Variants in APLF observed in about 807,000 individuals in gnomAD.
The protein encoded by APLF is aprataxin and PNKP like factor.
In APLF, 61 loss-of-function variants were observed where a neutral mutation model predicts 55.6. The observed-to-expected ratio is 1.10, with a 90% CI of 0.89 to 1.36. The LOEUF is 1.36. Among genes scored for constraint, APLF ranks in the 40% most tolerant of loss-of-function variants. The pLI is 0.00. For missense variants in APLF, 611 were observed against 602.5 expected (o/e 1.01, Z -0.15); for synonymous variants, 207 against 214.8 (o/e 0.96, Z 0.32).
In APLF at chr2:68,476,255, A is replaced by G. The variant is rs144935633; in HGVS notation, c.96+8428A>G. ...AATCCCAGCACTTTGGGAGGCCGAG[A>G]CGGGCAGATCACCTGAGGTCAGGAG... On this transcript the variant is annotated intron_variant, in intron 1 of 9. Transcript: ENST00000303795. Among the ~76,000 whole-genome samples the G allele has an allele frequency of 6.5e-3, 988 of 152,022 alleles. 7 individuals carry two copies. The highest frequency in any genetic ancestry group is 0.023 in the African/African-American group (941 of 41,482).
chr2:68,571,135 A>T (rs1671448655), intron 9 of APLF, among the ~76,000 whole-genome samples: 1 of 151,384 alleles, frequency 6.6e-6, no homozygotes, highest in African/African-American at 2.4e-5. Context: ...CCCCTTTTTG[A>T]TGGGGTTGTT....
intron 1 of APLF, among the ~76,000 whole-genome samples, chr2:68,469,534 C>T (rs1161917879): frequency 6.6e-6 from 1 of 152,172 alleles, no homozygotes; most frequent in Non-Finnish European, 1.5e-5. Flanking sequence ...AAATAACATT[C>T]AGGGATGAGA....
chr2:68,484,983 C>T (rs199543975), intron 1 of APLF, among the ~76,000 whole-genome samples: 13 of 146,452 alleles, frequency 8.9e-5, no homozygotes, highest in South Asian at 8.4e-4. Context: ...TGTGTGTGTG[C>T]GCACATTTTT....
At chr2:68,499,854 A>G (rs1442752693) in intron 2 of APLF, among the ~76,000 whole-genome samples, 2 of 152,136 alleles carry the variant, frequency 1.3e-5, no homozygotes, top group African/African-American at 4.8e-5. Flanking sequence ...AGAAAAAATA[A>G]ATAAATACTT....
chr2:68,517,505 A>G (rs1373707997), intron 5 of APLF, among the ~76,000 whole-genome samples: 1 of 141,078 alleles, frequency 7.1e-6, no homozygotes, highest in Non-Finnish European at 1.5e-5. Context: ...ATATGTTATC[A>G]CTATATATTA....
At position 68,578,138 on chromosome 2, in the gene APLF, A is replaced by C. The variant is rs1207684904; in HGVS notation, c.*116A>C. 10 of 1,443,610 alleles carry C rather than the reference A, an allele frequency of 6.9e-6. No homozygotes were observed. The African/African-American group carries it at 1.3e-4, about 19-fold the overall frequency. 89.4% of individuals were successfully genotyped at this position (1,443,610 alleles called of 1,614,324 possible). A position where few individuals can be genotyped will look rare whatever the true frequency, so the allele number is the denominator to read the frequency against. Reference sequence around the variant, plus strand: ...ATTTTCCTTCTTTTGATAGTTAATGACTTTTACTACTGACTCTTTACAAAT... The same window carrying C: ...ATTTTCCTTCTTTTGATAGTTAATGCCTTTTACTACTGACTCTTTACAAAT... On this transcript the variant is annotated 3_prime_UTR_variant, in exon 10 of 10. Coordinates refer to ENST00000303795, the MANE Select transcript of APLF (RefSeq NM_173545.3).
chr2:68,517,655 T>G (rs971726674), intron 5 of APLF, among the ~76,000 whole-genome samples: 6 of 144,784 alleles, frequency 4.1e-5, no homozygotes, highest in Non-Finnish European at 7.5e-5. Flanking sequence ...ATATATGTTA[T>G]TAACGTAACA....
chr2:68,573,447 T>C (rs1403954869), intron 9 of APLF, among the ~76,000 whole-genome samples: 1 of 151,846 alleles, frequency 6.6e-6, no homozygotes, highest in African/African-American at 2.4e-5. Flanking sequence ...CCGAGGCGGG[T>C]GGATCACCTG....
intron 1 of APLF, among the ~76,000 whole-genome samples, chr2:68,473,270 A>G (rs1675676218): frequency 6.6e-6 from 1 of 152,228 alleles, no homozygotes; most frequent in South Asian, 2.1e-4. Context: ...AGTTGGAGTC[A>G]TACAGTACAT....
chr2:68,518,762 T>C (rs1207731263), intron 5 of APLF, among the ~76,000 whole-genome samples: 1 of 115,604 alleles, frequency 8.7e-6, no homozygotes, highest in Non-Finnish European at 1.6e-5. Flanking sequence ...TATAATAAAA[T>C]ATTAATAATA....
At position 68,477,709 on chromosome 2, in the gene APLF, T is replaced by C. The variant is rs111306147; in HGVS notation, c.96+9882T>C. ...GGATAATTTATGAAGGAAAGAAGCT[T>C]AATAGACTCACAGTTCCACATGGCT... On this transcript the variant is annotated intron_variant, in intron 1 of 9. Coordinates refer to ENST00000303795, the MANE Select transcript of APLF (RefSeq NM_173545.3). Among the ~76,000 whole-genome samples the C allele has an allele frequency of 2.0e-4, 31 of 152,246 alleles. 1 individual carries two copies. Among genetic ancestry groups the C allele is most frequent in the African/African-American group, 7.0e-4 (29 of 41,530 alleles).
At chr2:68,563,378 T>C (rs1193054701) in intron 8 of APLF, 4 of 981,010 alleles carry the variant, frequency 4.1e-6, no homozygotes, top group Non-Finnish European at 4.8e-6. Context: ...TCATTTATTC[T>C]GAAATGACTT....
intron 5 of APLF, chr2:68,515,675 T>A: frequency 1.0e-6 from 1 of 983,202 alleles, no homozygotes; most frequent in Non-Finnish European, 1.2e-6. Context: ...GAATATCGCA[T>A]GTGTACAATG....
intron 2 of APLF, among the ~76,000 whole-genome samples, chr2:68,499,912 T>C (rs916026794): frequency 2.0e-5 from 3 of 152,198 alleles, no homozygotes; most frequent in Non-Finnish European, 4.4e-5. Context: ...TAAAAAAATC[T>C]ATTTGGTGTT....
chr2:68,494,827 A>G (rs1676491352), intron 2 of APLF, among the ~76,000 whole-genome samples: 1 of 152,122 alleles, frequency 6.6e-6, no homozygotes, highest in African/African-American at 2.4e-5. Flanking sequence ...TTCAAAGGAC[A>G]TGTTCTTGTT....
chr2:68,502,878 G>T lies in APLF; in HGVS notation c.316G>T (p.Glu106Ter), dbSNP rs1266229487. 1 of 1,603,944 alleles carries T rather than the reference G, an allele frequency of 6.2e-7. No individual in the cohort carries two copies. Among genetic ancestry groups the T allele is most frequent in the African/African-American group, 1.3e-5 (1 of 74,178 alleles). Residue 106 changes from glutamate to a stop codon, truncating the protein, a stop_gained, in exon 3 of 10, where the codon GAA becomes TAA. Coordinates refer to ENST00000303795, the MANE Select transcript of APLF (RefSeq NM_173545.3). LOFTEE classifies it high-confidence loss of function. Reference protein sequence around the residue: ...YIFRILSIPSEVEMQCTLRNS... With the variant: ...YIFRILSIPS ...TTTCCGCATTCTCTCTATACCCTCT[G>T]AAGTGGAAATGCAATGTACCTTAAG...
chr2:68,568,706 T>C (rs578071703), intron 9 of APLF, among the ~76,000 whole-genome samples: 1 of 152,316 alleles, frequency 6.6e-6, no homozygotes, highest in South Asian at 2.1e-4. Context: ...CTACACATCA[T>C]ATAGCATAGT....
At chr2:68,509,546 A>T (rs545905551) in intron 3 of APLF, among the ~76,000 whole-genome samples, 1 of 152,220 alleles carries the variant, frequency 6.6e-6, no homozygotes, top group African/African-American at 2.4e-5. Flanking sequence ...TAGAATGGTG[A>T]TCATTAAAAA....
chr2:68,551,077 A>T (rs1200648439), intron 8 of APLF, among the ~76,000 whole-genome samples: 2 of 151,994 alleles, frequency 1.3e-5, no homozygotes, highest in African/African-American at 4.8e-5. Context: ...GTGTGTCTGA[A>T]AGTGTTCTTA....
Sources: gnomAD v4.1 joint callset for allele counts (sites outside exome capture counted in the v4.1 genomes callset) on GRCh38, gnomAD v4.1.1 for gene constraint, MANE v1.5 for transcripts, NCBI Gene and HGNC (gene_info 2026-07-23, HGNC 2026-07-21) for gene names.